The following FSHR variants were observed in gnomAD, a reference collection of about 807,000 sequenced individuals.
The protein encoded by FSHR is follicle-stimulating hormone receptor.
FSHR carries 46 observed loss-of-function variants against 52.1 expected under a neutral mutation model. The ratio of observed to expected loss-of-function variants is 0.88; its 90% CI spans 0.70 to 1.13. The LOEUF is 1.13. Among genes scored for constraint, FSHR ranks in the 50% most tolerant of loss-of-function variants. The probability of loss-of-function intolerance (pLI) is 0.00; values close to 1 mark genes in which losing one functional copy is unlikely to be tolerated. For synonymous variants in FSHR, 399 were observed against 309.6 expected (o/e 1.29, Z -3.03); for missense variants, 964 against 834.6 (o/e 1.16, Z -1.91).
Position 49,014,370 on chromosome 2 carries a change from A to T in FSHR, c.374+3119T>A, listed in dbSNP as rs1049546368. Reference sequence around the variant, plus strand: ...TTGATACAGGACTGAGGACTACTCAACACCCCAAAGTGAGACAGAAAGACA... The same window carrying T: ...TTGATACAGGACTGAGGACTACTCATCACCCCAAAGTGAGACAGAAAGACA... On this transcript the variant is annotated intron_variant, in intron 4 of 9. Coordinates refer to ENST00000406846, the MANE Select transcript of FSHR (RefSeq NM_000145.4). 2.0e-5 allele frequency among the ~76,000 whole-genome samples: 3 copies of T among 152,122 alleles called. No individual in the cohort carries two copies. In the South Asian group the frequency reaches 6.2e-4, roughly 31 times the overall value.
chr2:48,963,307 A>T lies in FSHR; in HGVS notation c.1514T>A (p.Ile505Asn). The part of the protein sequence containing the change: ...IFAFAAALFP[I>N]FGISSYMKVS... ...CTTCATGTAGCTGCTGATGCCAAAG[A>T]TGGGAAAGAGGGCAGCTGCAAAAGC... Residue 505 changes from isoleucine to asparagine, a missense_variant, in exon 10 of 10, where the codon ATC becomes AAC. Transcript: ENST00000406846. 6.2e-7 allele frequency: 1 copy of T among 1,614,070 alleles called. No individual in the cohort carries two copies. Among genetic ancestry groups the T allele is most frequent in the Non-Finnish European group, 8.5e-7 (1 of 1,179,986 alleles).
intron 2 of FSHR, among the ~76,000 whole-genome samples, chr2:49,064,062 T>TTGTGTGTGTGTG (rs61681324): frequency 1.1e-3 from 158 of 148,708 alleles, no homozygotes; most frequent in East Asian, 9.9e-3. Flanking sequence ...CATGAAGAGT[T>TTGTGTGTGTGTG]TGTGTGTGTG....
At chr2:49,135,832 T>C (rs1231143644) in intron 1 of FSHR, among the ~76,000 whole-genome samples, 1 of 152,104 alleles carries the variant, frequency 6.6e-6, no homozygotes, top group Non-Finnish European at 1.5e-5. Flanking sequence ...TTGAAAACTT[T>C]TAAGAAAGAT....
chr2:49,136,077 G>T (rs183438398), intron 1 of FSHR, among the ~76,000 whole-genome samples: 5 of 151,848 alleles, frequency 3.3e-5, no homozygotes, highest in South Asian at 4.2e-4. Flanking sequence ...GACTCCCAAA[G>T]CTAGTTCTTT....
At chr2:48,965,107 C>T (rs1183531137) in intron 9 of FSHR, among the ~76,000 whole-genome samples, 1 of 151,994 alleles carries the variant, frequency 6.6e-6, no homozygotes, top group Admixed American at 6.6e-5. Flanking sequence ...GACATAACCT[C>T]AGATATAAGT....
At chr2:49,114,651 A>G (rs2103762428) in intron 1 of FSHR, among the ~76,000 whole-genome samples, 1 of 152,300 alleles carries the variant, frequency 6.6e-6, no homozygotes, top group East Asian at 1.9e-4. Flanking sequence ...AATATGTGTG[A>G]AAATACCTTG....
intron 2 of FSHR, among the ~76,000 whole-genome samples, chr2:49,052,635 C>G (rs764947449): frequency 6.6e-6 from 1 of 152,130 alleles, no homozygotes; most frequent in South Asian, 2.1e-4. Flanking sequence ...CCCAGGGACT[C>G]AAATCCCCTC....
intron 2 of FSHR, among the ~76,000 whole-genome samples, chr2:49,027,449 G>A (rs1191334747): frequency 6.6e-6 from 1 of 152,220 alleles, no homozygotes; most frequent in Admixed American, 6.5e-5. Context: ...GGTAGCCTAT[G>A]AGTCTATCCC....
chr2:49,030,576 C>G (rs1261142946), intron 2 of FSHR, among the ~76,000 whole-genome samples: 1 of 152,098 alleles, frequency 6.6e-6, no homozygotes, highest in Non-Finnish European at 1.5e-5. Context: ...AGTGAAGGAG[C>G]AACAAGGAGC....
At chr2:48,979,918 C>T (rs934724215) in intron 8 of FSHR, among the ~76,000 whole-genome samples, 5 of 152,132 alleles carry the variant, frequency 3.3e-5, no homozygotes, top group Middle Eastern at 3.2e-3. Flanking sequence ...ACGCATACTC[C>T]TACTCTTACC....
rs770983180 is a variant in FSHR, at chr2:48,963,738, C to T, written c.1083G>A (p.Gly361=). The change falls in exon 10 of 10, where the codon GGG becomes GGA. Residue 361 remains glycine, a synonymous_variant. Coordinates refer to ENST00000406846, the MANE Select transcript of FSHR (RefSeq NM_000145.4). ...DAFNPCEDIM[G]YNILRVLIWF... is the part of the protein sequence containing the mutation. ...ATATCAGGACTCTGAGGATGTTGTA[C>T]CCCATGATATCTTCACATGGGTTGA... 1 of 1,614,112 alleles carries T rather than the reference C, an allele frequency of 6.2e-7. No individual in the cohort carries two copies. The highest frequency in any genetic ancestry group is 8.5e-7 in the Non-Finnish European group (1 of 1,179,988).
At chr2:49,152,210 A>T (rs1673087269) in intron 1 of FSHR, among the ~76,000 whole-genome samples, 1 of 152,152 alleles carries the variant, frequency 6.6e-6, no homozygotes, top group Admixed American at 6.6e-5. Context: ...TCTAATACGT[A>T]CACTGAAGTA....
rs1444966978 is a variant in FSHR, at chr2:48,983,186, A to T, written c.525-20T>A. 2 of 1,608,910 alleles carry T rather than the reference A, an allele frequency of 1.2e-6. No individual in the cohort carries two copies. Among genetic ancestry groups the T allele is most frequent in the Non-Finnish European group, 1.7e-6 (2 of 1,175,538 alleles). On this transcript the variant is annotated intron_variant, in intron 6 of 9. Coordinates refer to ENST00000406846, the MANE Select transcript of FSHR (RefSeq NM_000145.4). ...AGCCATCTGAAATAAAAGGCCTATT[A>T]AAAAACCAATAATGTCAGATGCAAA... is the stretch of plus-strand genomic sequence containing the variant.
At chr2:49,148,181 C>T (rs993065636) in intron 1 of FSHR, among the ~76,000 whole-genome samples, 8 of 151,876 alleles carry the variant, frequency 5.3e-5, no homozygotes, top group East Asian at 1.9e-4. Context: ...AGTATTATCA[C>T]GTAAGTCAAG....
At chr2:49,067,668 A>G (rs545880899) in intron 2 of FSHR, among the ~76,000 whole-genome samples, 57 of 152,190 alleles carry the variant, frequency 3.7e-4, no homozygotes, top group Non-Finnish European at 6.0e-4. Context: ...TCTAAATTAG[A>G]CTAGCGCAAT....
chr2:48,994,331 T>A (rs1261982248), intron 4 of FSHR, among the ~76,000 whole-genome samples: 2 of 152,172 alleles, frequency 1.3e-5, no homozygotes, highest in East Asian at 1.9e-4. Flanking sequence ...TCATTTAACA[T>A]CAATTGCATG....
At chr2:49,076,485 A>T (rs1178336973) in intron 1 of FSHR, among the ~76,000 whole-genome samples, 2 of 152,162 alleles carry the variant, frequency 1.3e-5, no homozygotes, top group African/African-American at 2.4e-5. Context: ...CCCATAACAC[A>T]TGGGAATTCA....
intron 1 of FSHR, among the ~76,000 whole-genome samples, chr2:49,106,106 C>T (rs1348487780): frequency 6.6e-6 from 1 of 152,164 alleles, no homozygotes; most frequent in African/African-American, 2.4e-5. Flanking sequence ...CTTTCAAGTG[C>T]AATGTCAGGA....
chr2:48,973,567 G>C (rs1559083003), intron 8 of FSHR, among the ~76,000 whole-genome samples: 1 of 152,222 alleles, frequency 6.6e-6, no homozygotes, highest in Non-Finnish European at 1.5e-5. Flanking sequence ...TTGAAAACCA[G>C]TAAGAGTGCG....
Sources: allele counts gnomAD v4.1 joint callset (sites outside exome capture counted in the v4.1 genomes callset), GRCh38; gene constraint gnomAD v4.1.1; transcripts MANE v1.5; gene names NCBI Gene and HGNC (gene_info 2026-07-23, HGNC 2026-07-21).